Variants in LRRK2 observed in about 807,000 individuals in gnomAD.
The protein encoded by LRRK2 is leucine-rich repeat serine/threonine-protein kinase 2.
In LRRK2, 203 loss-of-function variants were observed where a neutral mutation model predicts 302.6. The ratio of observed to expected loss-of-function variants is 0.67; its 90% confidence interval spans 0.60 to 0.75. LRRK2 has a LOEUF of 0.75. LRRK2 is among the 30% of genes least tolerant of loss of function. LRRK2 has a pLI of 0.00. For missense variants in LRRK2, 2,830 were observed against 2,951.0 expected (o/e 0.96, Z 0.95); for synonymous variants, 1,066 against 1,031.9 (o/e 1.03, Z -0.63).
chr12:40,250,532 G>A (rs572919385), intron 8 of LRRK2, among the ~76,000 whole-genome samples: 2 of 152,312 alleles, frequency 1.3e-5, no homozygotes, highest in South Asian at 2.1e-4. Context: ...TGGTGTACAC[G>A]TGCAGGATGT....
intron 7 of LRRK2, among the ~76,000 whole-genome samples, chr12:40,247,160 C>T (rs1448858854): frequency 6.6e-6 from 1 of 152,034 alleles, no homozygotes; most frequent in Non-Finnish European, 1.5e-5. Context: ...CTTGTATTTT[C>T]ACTTCTAGTA....
At chr12:40,308,843 C>G in intron 29 of LRRK2, 147 bp downstream of exon 29, 1 of 904,950 alleles carries the variant, frequency 1.1e-6, no homozygotes, top group East Asian at 2.6e-5. Context: ...TAATTTTACC[C>G]TTGCCTCCAG....
chr12:40,357,049 T>C (rs1402919545), intron 46 of LRRK2, among the ~76,000 whole-genome samples: 1 of 152,166 alleles, frequency 6.6e-6, no homozygotes, highest in Non-Finnish European at 1.5e-5. Context: ...TGTATGTTTG[T>C]ACCCGTTAAC....
rs17491368 is a variant in LRRK2 at position 40,328,314 on chromosome 12, C to T, written c.5657-46C>T. The T allele has an allele frequency of 2.3e-3, 3,309 of 1,461,474 alleles. 66 individuals are homozygous for T. In the African/African-American group the frequency reaches 0.041, roughly 18 times the overall value. The allele number at this position is 1,461,474 out of a possible 1,614,324, so 90.5% of individuals were successfully genotyped here. On this transcript the variant is annotated intron_variant, in intron 38 of 50. Coordinates refer to ENST00000298910, the MANE Select transcript of LRRK2 (RefSeq NM_198578.4). ...CAGATATAATTTATTTAGTTTTTTTCGCTTGGACAGCTTAATTTAAGTGCT... is the reference window on the plus strand; with the variant it reads ...CAGATATAATTTATTTAGTTTTTTTTGCTTGGACAGCTTAATTTAAGTGCT...
At chr12:40,241,083 A>G (rs1265037775) in intron 6 of LRRK2, among the ~76,000 whole-genome samples, 1 of 152,250 alleles carries the variant, frequency 6.6e-6, no homozygotes, top group African/African-American at 2.4e-5. Context: ...ATGCTGGAGC[A>G]AGAGAGAGCA....
chr12:40,325,883 T>A (rs1015458689), intron 38 of LRRK2, among the ~76,000 whole-genome samples: 2 of 152,226 alleles, frequency 1.3e-5, no homozygotes, highest in Admixed American at 1.3e-4. Context: ...TTTTAAAATA[T>A]AAATGTATGG....
intron 20 of LRRK2, among the ~76,000 whole-genome samples, chr12:40,292,604 G>T (rs1944204031): frequency 6.6e-6 from 1 of 151,182 alleles, no homozygotes; most frequent in Admixed American, 6.6e-5. Context: ...TTAAACTATA[G>T]AATTAATTAA....
chr12:40,251,600 C>T (rs1319499879), intron 10 of LRRK2, 56 bp downstream of exon 10: 5 of 1,350,106 alleles, frequency 3.7e-6, no homozygotes, highest in East Asian at 2.5e-5. Flanking sequence ...TAAATCAATA[C>T]CTATAAAATA....
intron 46 of LRRK2, among the ~76,000 whole-genome samples, chr12:40,358,747 A>G (rs927213915): frequency 6.6e-6 from 1 of 150,980 alleles, no homozygotes; most frequent in Non-Finnish European, 1.5e-5. Context: ...TTTTTTTTCT[A>G]TTTCTGTGAG....
chr12:40,364,803 T>A, intron 48 of LRRK2, 39 bp from the exon 49 acceptor site: 1 of 1,432,358 alleles, frequency 7.0e-7, no homozygotes, highest in Non-Finnish European at 9.8e-7. Context: ...TATCTCTTAA[T>A]TGGTGGTAAA....
chr12:40,319,963 A>T, intron 33 of LRRK2, 25 bp from the exon 34 acceptor site: 1 of 1,591,452 alleles, frequency 6.3e-7, no homozygotes, highest in Non-Finnish European at 8.6e-7. Context: ...AATTTTAGTG[A>T]TTATTTATGA....
chr12:40,312,234 C>A (rs922675254), intron 31 of LRRK2, among the ~76,000 whole-genome samples: 1 of 152,034 alleles, frequency 6.6e-6, no homozygotes, highest in Non-Finnish European at 1.5e-5. Flanking sequence ...TTATAAATCA[C>A]CTTTGAAGAC....
At chr12:40,270,320 T>C (rs1008616271) in intron 14 of LRRK2, among the ~76,000 whole-genome samples, 13 of 152,302 alleles carry the variant, frequency 8.5e-5, no homozygotes, top group African/African-American at 3.1e-4. Flanking sequence ...TTCAGCTTTC[T>C]AATTATGCTT....
intron 18 of LRRK2, among the ~76,000 whole-genome samples, chr12:40,281,079 AAAC>A (rs1943677324): frequency 6.6e-6 from 1 of 151,646 alleles, no homozygotes; most frequent in Non-Finnish European, 1.5e-5. Context: ...AAAAAAAAAA[AAAC>A]AAAAAACGAA....
At chr12:40,348,572 TA>T in intron 43 of LRRK2, 63 bp downstream of exon 43, 1 of 1,004,746 alleles carries the variant, frequency 1.0e-6, no homozygotes, top group Non-Finnish European at 1.5e-6. Context: ...CATATATATA[TA>T]ATCTTCAAAT....
At position 40,367,888 on chromosome 12, in the gene LRRK2, A is replaced by C. The variant is rs73277568; in HGVS notation, c.*123A>C. The C allele has an allele frequency of 3.8e-4, 299 of 778,776 alleles. No homozygotes were observed. In the African/African-American group the frequency reaches 5.2e-3, roughly 13 times the overall value. 48.2% of individuals were successfully genotyped at this position (778,776 alleles called of 1,614,324 possible). Reference sequence around the variant, plus strand: ...TTGAAATAGCTCGTGTGTATGAAGGAATGTTATTATTTTTAATTTAAATAT... The same window carrying C: ...TTGAAATAGCTCGTGTGTATGAAGGCATGTTATTATTTTTAATTTAAATAT... On this transcript the variant is annotated 3_prime_UTR_variant, in exon 51 of 51. Transcript: ENST00000298910.
At chr12:40,341,568 A>G (rs1946046419) in intron 41 of LRRK2, among the ~76,000 whole-genome samples, 1 of 152,140 alleles carries the variant, frequency 6.6e-6, no homozygotes, top group South Asian at 2.1e-4. Context: ...ACTAATTATC[A>G]TTTTTTGAGT....
At chr12:40,333,386 G>A (rs368320892) in intron 39 of LRRK2, among the ~76,000 whole-genome samples, 2 of 152,142 alleles carry the variant, frequency 1.3e-5, no homozygotes, top group East Asian at 3.9e-4. Context: ...AAGAAGCAGT[G>A]CTTCTGCAGC....
chr12:40,367,446 T>A (rs1283932760), intron 50 of LRRK2, 198 bp from the exon 51 acceptor site: 2 of 441,400 alleles, frequency 4.5e-6, no homozygotes, highest in Admixed American at 8.0e-5. Flanking sequence ...CTATTTGAAA[T>A]TTAATAGTTT....
Sources: gnomAD v4.1 joint callset for allele counts (sites outside exome capture counted in the v4.1 genomes callset) on GRCh38, gnomAD v4.1.1 for gene constraint, MANE v1.5 for transcripts, NCBI Gene and HGNC (gene_info 2026-07-23, HGNC 2026-07-21) for gene names.